LRP8: variants seen among roughly 807,000 people sequenced by gnomAD.
The protein encoded by LRP8 is LDL receptor related protein 8.
Under a neutral mutation model 111.6 loss-of-function variants are expected in LRP8, and 46 were observed. The ratio of observed to expected loss-of-function variants is 0.41; its 90% CI spans 0.33 to 0.53. The LOEUF (loss-of-function observed/expected upper bound fraction) is 0.53, where lower values mean the gene tolerates loss of function less well. Among genes scored for constraint, LRP8 ranks in the 20% least tolerant of loss-of-function variants. The pLI is 0.20. For missense variants in LRP8, 959 were observed against 1,297.4 expected, an observed-to-expected ratio of 0.74 and a Z score of 4.01; for synonymous variants, 464 against 511.2, an observed-to-expected ratio of 0.91 and a Z score of 1.24.
chr1:53,317,820 C>A lies in LRP8; in HGVS notation c.244+9053G>T, dbSNP rs569452255. Among the ~76,000 whole-genome samples, 1 of 152,338 alleles carries A rather than the reference C, an allele frequency of 6.6e-6. No individual in the cohort carries two copies. Among genetic ancestry groups the A allele is most frequent in the Non-Finnish European group, 1.5e-5 (1 of 68,036 alleles). ...ACTGCATCCGGCCCAATTGTGAGTG[C>A]AGGAAGAAGGCAGAAGGGAAAGTCA... On this transcript the variant is annotated intron_variant, in intron 2 of 18. Transcript: ENST00000306052. The surrounding 1 kb of genome is among the most constrained non-coding windows in gnomAD (Gnocchi z 4.9).
At position 53,254,384 on chromosome 1, in the gene LRP8, TCCTC is replaced by T. The variant is rs1173540464; in HGVS notation, c.2503+729_2503+732del. Among the ~76,000 whole-genome samples the T allele has an allele frequency of 7.2e-5, 11 of 151,918 alleles. No homozygotes were observed. In the East Asian group the frequency reaches 2.2e-3, roughly 30 times the overall value. ...TCTTCACTGCTTGGACTGTTCTTGA[TCCTC>T]CCTCACTTGGCTGACCCAGCTCAAA... On this transcript the variant is annotated intron_variant, in intron 16 of 18. Transcript: ENST00000306052.
chr1:53,263,714 CCAA>C (rs1646435163), intron 10 of LRP8, among the ~76,000 whole-genome samples: 1 of 152,104 alleles, frequency 6.6e-6, no homozygotes, highest in Non-Finnish European at 1.5e-5. Context: ...ACTCCAGAGG[CCAA>C]TGGAGGAAGT....
At chr1:53,325,710 G>A (rs113343523) in intron 2 of LRP8, among the ~76,000 whole-genome samples, 3 of 152,326 alleles carry the variant, frequency 2.0e-5, no homozygotes, top group Admixed American at 6.5e-5. Flanking sequence ...CAAGTGTCCC[G>A]TGACCCTTCC....
chr1:53,269,497 T>A (rs1480787014), intron 8 of LRP8, among the ~76,000 whole-genome samples: 1 of 152,010 alleles, frequency 6.6e-6, no homozygotes, highest in Non-Finnish European at 1.5e-5. Flanking sequence ...AATTTTTTTT[T>A]AGATATAGGG....
chr1:53,307,829 C>T (rs984210044), intron 2 of LRP8, among the ~76,000 whole-genome samples: 2 of 152,236 alleles, frequency 1.3e-5, no homozygotes, highest in East Asian at 1.9e-4. Context: ...GGTCCAGGCA[C>T]GACCCAGTCT....
chr1:53,260,526 A>G lies in LRP8; in HGVS notation c.1994T>C (p.Leu665Pro). The change falls in exon 13 of 19, where the codon CTG becomes CCG. Residue 665 changes from leucine to proline, a missense_variant. By Grantham distance (98) the Leu-to-Pro change is moderately conservative. Around this residue, in one of 3 missense-constraint regions of LRP8, gnomAD observed 819 missense variants for 1,097.6 expected, o/e 0.75. Transcript: ENST00000306052. The part of the protein sequence containing the change: ...NRLNGLEISI[L>P]AENLNNPHDI... ...ATGTGGGTTGTTGAGGTTCTCAGCC[A>G]GGATGGAGATTTCCAGGCCATTGAG... 2 of 1,614,240 alleles carry G rather than the reference A, an allele frequency of 1.2e-6. No individual in the cohort carries two copies. The highest frequency in any genetic ancestry group is 8.5e-7 in the Non-Finnish European group (1 of 1,180,034).
intron 18 of LRP8, among the ~76,000 whole-genome samples, chr1:53,248,051 A>G (rs1361639770): frequency 6.6e-6 from 1 of 152,194 alleles, no homozygotes; most frequent in African/African-American, 2.4e-5. Context: ...AACAGGACCT[A>G]CCTCACAGGG....
chr1:53,242,589 G>A lies in LRP8; in HGVS notation c.*4429C>T, dbSNP rs1056590754. Reference sequence around the variant, plus strand: ...GACAAAAAGAGCAGAATCAGTTAGTGTGACACAACATTCTAACATGCCTGA... The same window carrying A: ...GACAAAAAGAGCAGAATCAGTTAGTATGACACAACATTCTAACATGCCTGA... On this transcript the variant is annotated 3_prime_UTR_variant, in exon 19 of 19. Transcript: ENST00000306052. 6.6e-6 allele frequency: 1 copy of A among 152,144 alleles called. No homozygotes were observed. Among genetic ancestry groups the A allele is most frequent in the East Asian group, 1.9e-4 (1 of 5,198 alleles). The allele number at this position is 152,144 out of a possible 1,614,324, so 9.4% of individuals were successfully genotyped here.
intron 4 of LRP8, 149 bp downstream of exon 4, chr1:53,280,438 C>T: frequency 2.1e-6 from 2 of 936,334 alleles, no homozygotes; most frequent in Non-Finnish European, 3.1e-6. Context: ...TCCATAGAAT[C>T]TAGCCATTAC....
In LRP8 at chr1:53,271,282, G is replaced by C; in HGVS notation, c.1071C>G (p.Gly357=). The C allele has an allele frequency of 6.2e-7, 1 of 1,613,972 alleles. No homozygotes were observed. The highest frequency in any genetic ancestry group is 8.5e-7 in the Non-Finnish European group (1 of 1,180,002). ...CSHICTDLKI[G]FECTCPAGFQ... ...AGCCTGCTGGGCACGTGCATTCAAA[G>C]CCAATCTTGAGGTCAGTGCAGATGT... The change falls in exon 7 of 19, where the codon GGC becomes GGG. Residue 357 remains glycine (G), a synonymous_variant. Transcript: ENST00000306052.
Position 53,262,642 on chromosome 1 carries a change from C to T in LRP8, c.1656-78G>A. 1 of 1,064,732 alleles carries T rather than the reference C, an allele frequency of 9.4e-7. No individual in the cohort carries two copies. The highest frequency in any genetic ancestry group is 1.5e-6 in the Non-Finnish European group (1 of 686,508). The allele number at this position is 1,064,732 out of a possible 1,614,324, so 66.0% of individuals were successfully genotyped here. On this transcript the variant is annotated intron_variant, in intron 10 of 18. Transcript: ENST00000306052. The surrounding 1 kb of genome is among the most constrained non-coding windows in gnomAD (Gnocchi z 4.8). ...GGTCTGAGTCACAAGAGCTCAATAA[C>T]CCATTGACTAGTTGTGGTTTATGTT... is the stretch of plus-strand genomic sequence containing the variant.
chr1:53,319,713 T>C (rs1454387284), intron 2 of LRP8, among the ~76,000 whole-genome samples: 1 of 152,160 alleles, frequency 6.6e-6, no homozygotes, highest in African/African-American at 2.4e-5. Context: ...GTCTATGACA[T>C]ATGGCAGCTT....
chr1:53,306,489 T>G (rs1248075193), intron 2 of LRP8, among the ~76,000 whole-genome samples: 1 of 152,124 alleles, frequency 6.6e-6, no homozygotes, highest in Non-Finnish European at 1.5e-5. Flanking sequence ...GAGGCCTGGG[T>G]TTTGGTCCCA....
chr1:53,265,238 GGGT>G (rs1422222742), intron 9 of LRP8, among the ~76,000 whole-genome samples: 1 of 152,124 alleles, frequency 6.6e-6, no homozygotes, highest in Non-Finnish European at 1.5e-5. Context: ...CCCTCTCTCT[GGGT>G]GATTAGTTCC....
At chr1:53,298,172 T>TA (rs1231027180) in intron 2 of LRP8, among the ~76,000 whole-genome samples, 1 of 152,184 alleles carries the variant, frequency 6.6e-6, no homozygotes, top group Non-Finnish European at 1.5e-5. Context: ...TGCTCTCAGA[T>TA]ACTGCCGGAC....
chr1:53,252,058 AAG>A (rs1645914951), intron 16 of LRP8, among the ~76,000 whole-genome samples: 1 of 151,142 alleles, frequency 6.6e-6, no homozygotes, highest in Non-Finnish European at 1.5e-5. Context: ...AAAAAAAAAA[AAG>A]TAAATAAATA....
At chr1:53,325,707 C>T (rs961669367) in intron 2 of LRP8, among the ~76,000 whole-genome samples, 1 of 152,232 alleles carries the variant, frequency 6.6e-6, no homozygotes, top group African/African-American at 2.4e-5. Flanking sequence ...GTCCAAGTGT[C>T]CCGTGACCCT....
At chr1:53,324,477 G>A (rs1053874218) in intron 2 of LRP8, among the ~76,000 whole-genome samples, 13 of 152,296 alleles carry the variant, frequency 8.5e-5, no homozygotes, top group African/African-American at 2.4e-4. Flanking sequence ...CACAGCCAGC[G>A]TTGGAGGGAC....
At chr1:53,278,296 G>C (rs1362335709) in intron 4 of LRP8, among the ~76,000 whole-genome samples, 2 of 152,110 alleles carry the variant, frequency 1.3e-5, no homozygotes, top group African/African-American at 4.8e-5. Flanking sequence ...CCTCCCTCCT[G>C]TGCGTCCACA....
Sources: allele counts gnomAD v4.1 joint callset (sites outside exome capture counted in the v4.1 genomes callset), GRCh38; gene constraint gnomAD v4.1.1; regional missense constraint gnomAD v4.1.1; non-coding constraint Gnocchi (gnomAD v3.1); transcripts MANE v1.5; gene names NCBI Gene and HGNC (gene_info 2026-07-23, HGNC 2026-07-21).